DNAJC6: variants seen among roughly 807,000 people sequenced by gnomAD.
DNAJC6 encodes auxilin.
In DNAJC6, 34 loss-of-function variants were observed where a neutral mutation model predicts 110.0. The observed-to-expected ratio is 0.31, with a 90% CI of 0.24 to 0.41. The LOEUF (loss-of-function observed/expected upper bound fraction) is 0.41. DNAJC6 is among the 10% of genes least tolerant of loss of function. DNAJC6 has a pLI of 1.00. For synonymous variants in DNAJC6, 406 were observed against 437.2 expected (o/e 0.93, Z 0.89); for missense variants, 1,031 against 1,207.8 (o/e 0.85, Z 2.17).
chr1:65,363,935 C>T (rs1645621177), intron 1 of DNAJC6, among the ~76,000 whole-genome samples: 1 of 152,022 alleles, frequency 6.6e-6, no homozygotes, highest in Non-Finnish European at 1.5e-5. Context: ...TACTAAAGCC[C>T]CTTCAGAAGG....
upstream of DNAJC6, among the ~76,000 whole-genome samples, chr1:65,308,069 C>G (rs1157280516): frequency 1.3e-5 from 2 of 152,174 alleles, no homozygotes; most frequent in African/African-American, 4.8e-5. Context: ...AGGAAAATGT[C>G]TCTTAGTCCA....
intron 1 of DNAJC6, among the ~76,000 whole-genome samples, chr1:65,333,858 T>C (rs1384749944): frequency 6.6e-6 from 1 of 152,178 alleles, no homozygotes; most frequent in Non-Finnish European, 1.5e-5. Context: ...GCCTGGAAAA[T>C]CATTATTAAG....
intron 1 of DNAJC6, among the ~76,000 whole-genome samples, chr1:65,301,975 C>CAGAG (rs141225122): frequency 9.6e-4 from 139 of 144,896 alleles, no homozygotes; most frequent in Non-Finnish European, 1.8e-3. Flanking sequence ...GGTAGAACAT[C>CAGAG]AGAGAGAGAG....
chr1:65,309,797 T>C lies in DNAJC6; in HGVS notation c.52T>C (p.Ser18Pro). The C allele has an allele frequency of 6.5e-7, 1 of 1,549,810 alleles. No individual in the cohort carries two copies. ...AAAGACCAGCAACGATGGTTATGAA[T>C]CTTTGCAGCTGGTGGACAGTAACGG... ...RKKTSNDGYE[S>P]LQLVDSNGDL... Residue 18 changes from serine (S) to proline (P), a missense_variant, in exon 1 of 19, where the codon TCT becomes CCT. By Grantham distance (74) the Ser-to-Pro change is moderately conservative (BLOSUM62 -1). Coordinates refer to ENST00000371069, the MANE Select transcript of DNAJC6 (RefSeq NM_001256864.2).
At chr1:65,400,492 A>T (rs959483366) in intron 14 of DNAJC6, among the ~76,000 whole-genome samples, 1 of 151,946 alleles carries the variant, frequency 6.6e-6, no homozygotes, top group Admixed American at 6.6e-5. Context: ...CCTACCTCCA[A>T]CCACCCCAGC....
intron 1 of DNAJC6, among the ~76,000 whole-genome samples, chr1:65,336,077 G>C (rs898055095): frequency 6.6e-6 from 1 of 152,106 alleles, no homozygotes; most frequent in African/African-American, 2.4e-5. Flanking sequence ...TACTAATAAA[G>C]ACATATCCAA....
At chr1:65,302,279 AATATAAT>A (rs1644993904) in intron 1 of DNAJC6, among the ~76,000 whole-genome samples, 2 of 19,924 alleles carry the variant, frequency 1.0e-4, no homozygotes, top group South Asian at 1.5e-3. Context: ...TATATTATAT[AATATAAT>A]ATATAATATA....
At chr1:65,322,207 T>C (rs1160702573) in intron 1 of DNAJC6, among the ~76,000 whole-genome samples, 5 of 152,204 alleles carry the variant, frequency 3.3e-5, no homozygotes, top group African/African-American at 1.2e-4. Context: ...GCCTCTTGGC[T>C]CTTAAAAATT....
chr1:65,265,976 C>T (rs553236623), intron 1 of DNAJC6, among the ~76,000 whole-genome samples: 1 of 152,360 alleles, frequency 6.6e-6, no homozygotes, highest in East Asian at 1.9e-4. Flanking sequence ...GTCTGCGCTT[C>T]GAGTGCGCTG....
chr1:65,332,250 A>T (rs1184367384), intron 1 of DNAJC6, among the ~76,000 whole-genome samples: 1 of 152,194 alleles, frequency 6.6e-6, no homozygotes, highest in East Asian at 1.9e-4. Context: ...TTCCAGCTCC[A>T]AATCAGGATA....
intron 1 of DNAJC6, among the ~76,000 whole-genome samples, chr1:65,353,521 G>A (rs917523401): frequency 6.6e-6 from 1 of 152,164 alleles, no homozygotes; most frequent in Non-Finnish European, 1.5e-5. Context: ...AACAAAATAT[G>A]TTACATCCAT....
At chr1:65,405,417 G>A (rs1646066073) in intron 15 of DNAJC6, among the ~76,000 whole-genome samples, 1 of 152,152 alleles carries the variant, frequency 6.6e-6, no homozygotes, top group Non-Finnish European at 1.5e-5. Flanking sequence ...ACCTTAATGA[G>A]TGGACTGTTT....
At chr1:65,348,954 A>G (rs914888089) in intron 1 of DNAJC6, among the ~76,000 whole-genome samples, 7 of 145,492 alleles carry the variant, frequency 4.8e-5, no homozygotes, top group South Asian at 2.1e-4. Context: ...GTGTATATAT[A>G]TAAATATATA....
At position 65,326,134 on chromosome 1, in the gene DNAJC6, G is replaced by A. The variant is rs185348551; in HGVS notation, c.193+16196G>A. Among the ~76,000 whole-genome samples the A allele has an allele frequency of 2.3e-3, 349 of 152,244 alleles. 3 individuals carry two copies. The highest frequency in any genetic ancestry group is 0.019 in the Admixed American group (286 of 15,284). ...TGGGAGTCTGGACACTGCTTTCTGG[G>A]ACCACTCCCCTCTCTCCCCACAACA... On this transcript the variant is annotated intron_variant, in intron 1 of 18. Coordinates refer to ENST00000371069, the MANE Select transcript of DNAJC6 (RefSeq NM_001256864.2).
At position 65,370,110 on chromosome 1, in the gene DNAJC6, T is replaced by A. The variant is rs1163070076; in HGVS notation, c.543+3914T>A. 3.9e-5 allele frequency among the ~76,000 whole-genome samples: 6 copies of A among 152,152 alleles called. 1 individual carries two copies. The highest frequency in any genetic ancestry group is 8.8e-5 in the Non-Finnish European group (6 of 68,030). ...CACCTTGAGGAAATAAGAGTACTGATGCTGACAATGAAGTCCTGGAGACCA... is the reference window on the plus strand; with the variant it reads ...CACCTTGAGGAAATAAGAGTACTGAAGCTGACAATGAAGTCCTGGAGACCA... On this transcript the variant is annotated intron_variant, in intron 4 of 18. Coordinates refer to ENST00000371069, the MANE Select transcript of DNAJC6 (RefSeq NM_001256864.2).
Position 65,279,603 on chromosome 1 carries a change from A to G in DNAJC6, c.-131+14671A>G, listed in dbSNP as rs547530398. The G allele has an allele frequency of 2.6e-5, 4 of 152,330 alleles. No individual in the cohort carries two copies. The South Asian group carries it at 8.3e-4, about 32-fold the overall frequency. 9.4% of individuals were successfully genotyped at this position (152,330 alleles called of 1,614,324 possible). A position where few individuals can be genotyped will look rare whatever the true frequency, so the allele number is the denominator to read the frequency against. The stretch of plus-strand genomic sequence containing the variant: ...TACATGCACATGCATGCACACACAC[A>G]CAGCTTGGAATTGGTAGTGTCATCC... On this transcript the variant is annotated intron_variant, in intron 1 of 19. Coordinates refer to the DNAJC6 transcript ENST00000263441.
At chr1:65,307,146 C>G (rs1645052228), upstream of DNAJC6, among the ~76,000 whole-genome samples, 1 of 151,642 alleles carries the variant, frequency 6.6e-6, no homozygotes, top group African/African-American at 2.4e-5. Context: ...TGAATTTGAT[C>G]TTTAGCACAG....
At chr1:65,346,784 C>G (rs1051232336) in intron 1 of DNAJC6, among the ~76,000 whole-genome samples, 2 of 152,056 alleles carry the variant, frequency 1.3e-5, no homozygotes, top group African/African-American at 4.8e-5. Context: ...TGCTTGCTCT[C>G]CAACATTATT....
intron 1 of DNAJC6, among the ~76,000 whole-genome samples, chr1:65,284,752 G>T (rs1653959882): frequency 6.6e-6 from 1 of 151,452 alleles, no homozygotes; most frequent in African/African-American, 2.4e-5. Context: ...GCAATGGTGC[G>T]ATCTCGGCTC....
Sources: allele counts gnomAD v4.1 joint callset (sites outside exome capture counted in the v4.1 genomes callset), GRCh38; gene constraint gnomAD v4.1.1; transcripts MANE v1.5; gene names NCBI Gene and HGNC (gene_info 2026-07-23, HGNC 2026-07-21).